Variants in MCMDC2 observed in about 807,000 individuals in gnomAD.
MCMDC2 encodes the protein minichromosome maintenance domain containing 2.
A neutral mutation model predicts 75.8 loss-of-function variants in MCMDC2; 54 were observed. That is an observed-to-expected ratio of 0.71 (90% CI 0.57 to 0.89). MCMDC2 has a LOEUF of 0.89. MCMDC2 is among the 40% of genes least tolerant of loss of function. The pLI is 0.00. For missense variants in MCMDC2, 656 were observed against 780.4 expected, an observed-to-expected ratio of 0.84 and a Z score of 1.90; for synonymous variants, 249 against 274.6, an observed-to-expected ratio of 0.91 and a Z score of 0.92.
chr8:66,890,068 T>C (rs907164118), intron 9 of MCMDC2, among the ~76,000 whole-genome samples: 1 of 152,078 alleles, frequency 6.6e-6, no homozygotes, highest in Non-Finnish European at 1.5e-5. Flanking sequence ...GGATGTTCTT[T>C]TGTTGTTGTT....
At chr8:66,900,470 A>T (rs1009387740) in intron 12 of MCMDC2, among the ~76,000 whole-genome samples, 1 of 152,080 alleles carries the variant, frequency 6.6e-6, no homozygotes, top group African/African-American at 2.4e-5. Flanking sequence ...TATAAATTTT[A>T]TAGTTAATAG....
chr8:66,881,186 T>C (rs1169759564), intron 8 of MCMDC2, among the ~76,000 whole-genome samples: 3 of 152,164 alleles, frequency 2.0e-5, no homozygotes, highest in Non-Finnish European at 4.4e-5. Flanking sequence ...AGATAATAAG[T>C]ACATGAAGGA....
intron 14 of MCMDC2, 116 bp downstream of exon 14, chr8:66,905,451 A>T (rs1180098528): frequency 1.1e-6 from 1 of 949,186 alleles, no homozygotes; most frequent in Non-Finnish European, 1.4e-6. Flanking sequence ...TTAAAGAATA[A>T]CAAATCTCTA....
At chr8:66,908,630 T>A (rs1352865122) in intron 14 of MCMDC2, among the ~76,000 whole-genome samples, 1 of 152,164 alleles carries the variant, frequency 6.6e-6, no homozygotes, top group Non-Finnish European at 1.5e-5. Context: ...GTTTTGTTTT[T>A]GAGACAGTCT....
chr8:66,883,355 A>G (rs1435295350), intron 8 of MCMDC2, among the ~76,000 whole-genome samples: 1 of 152,240 alleles, frequency 6.6e-6, no homozygotes, highest in African/African-American at 2.4e-5. Context: ...GCTCACATAG[A>G]TCTTAAAAGG....
chr8:66,925,563 G>C (rs1393274679), downstream of MCMDC2: 1 of 152,284 alleles, frequency 6.6e-6, no homozygotes, highest in African/African-American at 2.4e-5. Flanking sequence ...TCGGAAGACA[G>C]CTCTTAGGCA....
chr8:66,907,626 C>G (rs1384284300), intron 14 of MCMDC2, among the ~76,000 whole-genome samples: 1 of 152,176 alleles, frequency 6.6e-6, no homozygotes, highest in Non-Finnish European at 1.5e-5. Context: ...ATTTCTGGTT[C>G]TAGATCCTTG....
chr8:66,884,071 C>T (rs771713285), intron 9 of MCMDC2, 77 bp downstream of exon 9: 4 of 900,304 alleles, frequency 4.4e-6, no homozygotes, highest in Non-Finnish European at 7.0e-6. Flanking sequence ...AGCATTATTA[C>T]AAGAAGAATA....
chr8:66,883,724 C>A, intron 8 of MCMDC2, 33 bp from the exon 9 acceptor site: 1 of 1,236,710 alleles, frequency 8.1e-7, no homozygotes, highest in South Asian at 1.3e-5. Context: ...TTTTAAAACC[C>A]TTTCTAATAT....
At position 66,896,825 on chromosome 8, in the gene MCMDC2, T is replaced by A. The variant is rs774032903; in HGVS notation, c.1492T>A (p.Leu498Met). 1.9e-6 allele frequency: 3 copies of A among 1,613,420 alleles called. No individual in the cohort carries two copies. In the East Asian group the frequency reaches 6.7e-5, roughly 36 times the overall value. The part of the protein sequence containing the change: ...PANLVEAFGL[L>M]INCNESSPCH... ...TAACCTTGTGGAGGCATTTGGTTTA[T>A]TGATTAACTGCAACGAGTCATCTCC... Residue 498 changes from leucine to methionine, a missense_variant, in exon 12 of 15, where the codon TTG (leucine) becomes ATG (methionine). By Grantham distance (15) the Leu-to-Met change is conservative. Coordinates refer to ENST00000422365, the MANE Select transcript of MCMDC2 (RefSeq NM_173518.5).
Position 66,890,904 on chromosome 8 carries a change from A to G in MCMDC2, c.1113A>G (p.Ile371Met). 1 of 1,613,282 alleles carries G rather than the reference A, an allele frequency of 6.2e-7. No homozygotes were observed. Among genetic ancestry groups the G allele is most frequent in the Non-Finnish European group, 8.5e-7 (1 of 1,179,860 alleles). The stretch of plus-strand genomic sequence containing the variant: ...GCATAAACCTTGTCCCCCGTGGTAT[A>G]CGTCATCTAGTCTCTACTGAAATTT... ...NFSINLVPRGIRHLVSTEIFP... is the reference protein window; with the variant it reads ...NFSINLVPRGMRHLVSTEIFP... Residue 371 changes from isoleucine (I) to methionine (M), a missense_variant, in exon 10 of 15, where the codon ATA becomes ATG. By Grantham distance (10) the Ile-to-Met change is conservative. Transcript: ENST00000422365.
At chr8:66,885,618 T>C (rs1334612595) in intron 9 of MCMDC2, among the ~76,000 whole-genome samples, 4 of 152,192 alleles carry the variant, frequency 2.6e-5, no homozygotes, top group African/African-American at 9.6e-5. Flanking sequence ...GTTTGTTTTT[T>C]TCTTTTTAGG....
In MCMDC2 at chr8:66,891,039, C is replaced by CA. The variant is rs1331729243; in HGVS notation, c.1254dup (p.Asp419ArgfsTer2). Reference sequence around the variant, plus strand: ...GCTTTATAGGAGACTTGGCTTCACACAAAAAAGATAAACTTGAACAGCTTC... The same window carrying CA: ...GCTTTATAGGAGACTTGGCTTCACACAAAAAAAGATAAACTTGAACAGCTTC... On this transcript the variant is annotated frameshift_variant, in exon 10 of 15. Coordinates refer to ENST00000422365, the MANE Select transcript of MCMDC2 (RefSeq NM_173518.5). LOFTEE classifies it high-confidence loss of function. 3 of 1,589,622 alleles carry CA rather than the reference C, an allele frequency of 1.9e-6. No homozygotes were observed. The highest frequency in any genetic ancestry group is 3.9e-5 in the Admixed American group (2 of 50,764).
rs1418879092 is a variant in MCMDC2 at position 66,919,050 on chromosome 8, C to T, written c.1927C>T (p.Leu643=). Reference sequence around the variant, plus strand: ...TCCGAATGCAGTATTTCCATTTGAACTGTATAATGAAGAATACTTAGAGCA... The same window carrying T: ...TCCGAATGCAGTATTTCCATTTGAATTGTATAATGAAGAATACTTAGAGCA... ...VAPNAVFPFE[L]YNEEYLEQRD... is the part of the protein sequence containing the mutation. Residue 643 remains leucine (L), a synonymous_variant, in exon 15 of 15, where the codon CTG becomes TTG. Transcript: ENST00000422365. 1.8e-5 allele frequency: 28 copies of T among 1,540,478 alleles called. No homozygotes were observed. Among genetic ancestry groups the T allele is most frequent in the Non-Finnish European group, 2.5e-5 (28 of 1,141,720 alleles).
intron 9 of MCMDC2, among the ~76,000 whole-genome samples, chr8:66,887,253 T>C (rs1212542691): frequency 6.6e-6 from 1 of 152,024 alleles, no homozygotes. Context: ...AAGAAATCCT[T>C]GTCTGGCTGG....
At chr8:66,877,710 C>G (rs1182157782) in intron 5 of MCMDC2, among the ~76,000 whole-genome samples, 166 bp downstream of exon 5, 3 of 151,766 alleles carry the variant, frequency 2.0e-5, no homozygotes, top group Non-Finnish European at 2.9e-5. Flanking sequence ...ACAAAAAATA[C>G]AAAAATTAGC....
At chr8:66,900,163 G>A (rs143371701) in intron 12 of MCMDC2, among the ~76,000 whole-genome samples, 5 of 150,280 alleles carry the variant, frequency 3.3e-5, no homozygotes, top group African/African-American at 9.8e-5. Flanking sequence ...TAGGCTAGGC[G>A]CGGTGGCTCA....
At chr8:66,911,561 C>T (rs964163559) in intron 14 of MCMDC2, among the ~76,000 whole-genome samples, 3 of 152,140 alleles carry the variant, frequency 2.0e-5, no homozygotes, top group East Asian at 1.9e-4. Flanking sequence ...TGGTGGCTCA[C>T]GCCTGTAATC....
chr8:66,921,140 T>TTTAAG lies in MCMDC2; in HGVS notation c.*1974_*1978dup, dbSNP rs1813512372. ...ACTTCACCACAAAAAAATTAAAATGTTTAAGTTTCTCATTAAAGAGTAGAA... is the reference window on the plus strand; with the variant it reads ...ACTTCACCACAAAAAAATTAAAATGTTTAAGTTAAGTTTCTCATTAAAGAGTAGAA... On this transcript the variant is annotated 3_prime_UTR_variant, in exon 15 of 15. Transcript: ENST00000422365. The TTTAAG allele has an allele frequency of 6.6e-6, 1 of 152,028 alleles. No homozygotes were observed. Among genetic ancestry groups the TTTAAG allele is most frequent in the African/African-American group, 2.4e-5 (1 of 41,422 alleles). 9.4% of individuals were successfully genotyped at this position (152,028 alleles called of 1,614,324 possible). A position where few individuals can be genotyped will look rare whatever the true frequency, so the allele number is the denominator to read the frequency against.
Sources: gnomAD v4.1 joint callset for allele counts (sites outside exome capture counted in the v4.1 genomes callset) on GRCh38, gnomAD v4.1.1 for gene constraint, MANE v1.5 for transcripts, NCBI Gene and HGNC (gene_info 2026-07-23, HGNC 2026-07-21) for gene names.